Variants in MRAS observed in about 807,000 individuals in gnomAD.
The protein encoded by MRAS is muscle RAS oncogene homolog.
MRAS carries 4 observed loss-of-function variants against 20.9 expected under a neutral mutation model. That is an observed-to-expected ratio of 0.19 (90% confidence interval 0.09 to 0.44). The LOEUF (loss-of-function observed/expected upper bound fraction) is 0.44. MRAS is among the 20% of genes least tolerant of loss of function. MRAS has a pLI of 0.99. For missense variants in MRAS, 154 were observed against 277.5 expected, an observed-to-expected ratio of 0.56 and a Z score of 3.16; for synonymous variants, 98 against 102.9, an observed-to-expected ratio of 0.95 and a Z score of 0.29.
chr3:138,361,788 A>G (rs42761), intron 1 of MRAS, among the ~76,000 whole-genome samples: 125,356 of 152,210 alleles, frequency 0.82, 52,073 homozygotes, highest in East Asian at 0.97. Context: ...GACCACCAGC[A>G]TGACGTTCCC....
chr3:138,372,949 G>A lies in MRAS; in HGVS notation c.66G>A (p.Gly22=). The A allele has an allele frequency of 1.3e-6, 2 of 1,564,048 alleles. No individual in the cohort carries two copies. The highest frequency in any genetic ancestry group is 1.2e-5 in the South Asian group (1 of 83,754). Residue 22 remains glycine, a synonymous_variant, in exon 2 of 6, where the codon GGG becomes GGA. Coordinates refer to ENST00000423968, the MANE Select transcript of MRAS (RefSeq NM_001085049.3). ...PTYKLVVVGD[G]GVGKSALTIQ... ...ACAAGCTGGTGGTGGTGGGGGATGG[G>A]GGTGTGGGCAAAAGTGCCCTCACCA...
intron 1 of MRAS, among the ~76,000 whole-genome samples, chr3:138,355,751 T>G (rs920516628): frequency 6.6e-6 from 1 of 152,136 alleles, no homozygotes; most frequent in African/African-American, 2.4e-5. Context: ...GCCAACATGG[T>G]GAAACTCCGT....
At chr3:138,370,273 C>T (rs1220862435) in intron 1 of MRAS, among the ~76,000 whole-genome samples, 1 of 152,190 alleles carries the variant, frequency 6.6e-6, no homozygotes, top group African/African-American at 2.4e-5. Context: ...GAGCTGAGAC[C>T]ACGCTACTGC....
intron 1 of MRAS, chr3:138,350,561 AGG>A (rs1247335680): frequency 1.2e-4 from 19 of 152,224 alleles, no homozygotes; most frequent in African/African-American, 4.6e-4. Context: ...GCGGTAGTCA[AGG>A]CCCTTTGGTG....
At chr3:138,367,733 A>G (rs190920512) in intron 1 of MRAS, among the ~76,000 whole-genome samples, 1 of 152,332 alleles carries the variant, frequency 6.6e-6, no homozygotes, top group East Asian at 1.9e-4. Context: ...CGTGAGAGGC[A>G]AAGGAATGAG....
intron 2 of MRAS, among the ~76,000 whole-genome samples, chr3:138,377,695 C>T (rs908283701): frequency 6.6e-6 from 1 of 152,302 alleles, no homozygotes; most frequent in East Asian, 1.9e-4. Context: ...CCTGGAGGTG[C>T]CCTCAGTTGC....
intron 5 of MRAS, among the ~76,000 whole-genome samples, chr3:138,401,620 A>G (rs1394742858): frequency 2.0e-5 from 3 of 152,168 alleles, no homozygotes; most frequent in Non-Finnish European, 2.9e-5. Context: ...GTGAAATGCC[A>G]TCTTTACAAA....
chr3:138,384,989 G>A (rs2054979972), intron 2 of MRAS, among the ~76,000 whole-genome samples: 1 of 152,050 alleles, frequency 6.6e-6, no homozygotes, highest in Non-Finnish European at 1.5e-5. Flanking sequence ...GATCAGTTTT[G>A]ATGGAGTGGT....
chr3:138,380,603 G>C (rs1030800093), intron 2 of MRAS, among the ~76,000 whole-genome samples: 1 of 151,534 alleles, frequency 6.6e-6, no homozygotes, highest in Non-Finnish European at 1.5e-5. Context: ...GAGCCACCGC[G>C]CCCGGCTTCT....
At chr3:138,353,491 G>A (rs1407535170) in intron 1 of MRAS, among the ~76,000 whole-genome samples, 2 of 152,096 alleles carry the variant, frequency 1.3e-5, no homozygotes, top group African/African-American at 2.4e-5. Flanking sequence ...CTGCATTTGC[G>A]GATTCTCTCA....
rs567725380 is a variant in MRAS at position 138,389,992 on chromosome 3, A to G, written c.194-7332A>G. On this transcript the variant is annotated intron_variant, in intron 2 of 5. Coordinates refer to ENST00000423968, the MANE Select transcript of MRAS (RefSeq NM_001085049.3). ...CACGCCTGTAATCCCAGGCGTGGGCAGTTTTCCTAGTATTTCTCAGGAGGG... is the reference window on the plus strand; with the variant it reads ...CACGCCTGTAATCCCAGGCGTGGGCGGTTTTCCTAGTATTTCTCAGGAGGG... Among the ~76,000 whole-genome samples the G allele has an allele frequency of 9.7e-4, 145 of 149,758 alleles. 1 individual carries two copies. The Middle Eastern group carries it at 0.014, about 14-fold the overall frequency.
intron 1 of MRAS, among the ~76,000 whole-genome samples, chr3:138,356,584 C>T (rs1041185551): frequency 1.3e-5 from 2 of 152,222 alleles, no homozygotes; most frequent in Non-Finnish European, 2.9e-5. Context: ...ACTGCTCTCA[C>T]CAGTCTATCA....
At position 138,383,667 on chromosome 3, in the gene MRAS, C is replaced by T. The variant is rs187942886; in HGVS notation, c.193+10591C>T. 1.5e-3 allele frequency among the ~76,000 whole-genome samples: 236 copies of T among 152,264 alleles called. 1 individual carries two copies. Among genetic ancestry groups the T allele is most frequent in the Non-Finnish European group, 2.5e-3 (167 of 68,018 alleles). On this transcript the variant is annotated intron_variant, in intron 2 of 5. Coordinates refer to ENST00000423968, the MANE Select transcript of MRAS (RefSeq NM_001085049.3). ...GAGTTGTGTGAATTGAACCCTGAGT[C>T]CTATGTACCTGGATATGTTCACTAA... is the stretch of plus-strand genomic sequence containing the variant.
intron 1 of MRAS, among the ~76,000 whole-genome samples, chr3:138,370,504 G>A (rs1343941077): frequency 4.6e-5 from 7 of 151,816 alleles, no homozygotes; most frequent in Admixed American, 1.3e-4. Flanking sequence ...ACTCCCCTCC[G>A]CCCTCTCTCC....
chr3:138,387,289 T>C (rs1045781969), intron 2 of MRAS, among the ~76,000 whole-genome samples: 3 of 152,048 alleles, frequency 2.0e-5, no homozygotes, highest in African/African-American at 7.2e-5. Context: ...AGGTGCGGAG[T>C]AGGTGGAGAG....
Position 138,373,043 on chromosome 3 carries a change from A to G in MRAS, c.160A>G (p.Thr54Ala). The change falls in exon 2 of 6, where the codon ACG becomes GCG. Residue 54 changes from threonine (T) to alanine (A), a missense_variant. Physicochemically the swap from Thr to Ala is moderately conservative, Grantham distance 58. Transcript: ENST00000423968. ...PTIEDSYLKH[T>A]EIDNQWAILD... Reference sequence around the variant, plus strand: ...CATTGAAGACTCCTACCTGAAACATACGGAGATTGACAATCAATGGGCCAT... The same window carrying G: ...CATTGAAGACTCCTACCTGAAACATGCGGAGATTGACAATCAATGGGCCAT... The G allele has an allele frequency of 6.6e-7, 1 of 1,510,470 alleles. No individual in the cohort carries two copies. Among genetic ancestry groups the G allele is most frequent in the South Asian group, 1.3e-5 (1 of 75,342 alleles). The allele number at this position is 1,510,470 out of a possible 1,614,324, so 93.6% of individuals were successfully genotyped here. A position where few individuals can be genotyped will look rare whatever the true frequency, so the allele number is the denominator to read the frequency against.
At chr3:138,349,407 G>C (rs934087246) in intron 1 of MRAS, 2 of 152,426 alleles carry the variant, frequency 1.3e-5, no homozygotes, top group Admixed American at 1.3e-4. Flanking sequence ...GTAAGCCCAG[G>C]GGTTGTGGGA....
chr3:138,373,157 C>T (rs1576359470), intron 2 of MRAS, 81 bp downstream of exon 2: 1 of 1,225,694 alleles, frequency 8.2e-7, no homozygotes, highest in East Asian at 2.8e-5. Context: ...TTCAGTGGGG[C>T]AAGATGGTTT....
chr3:138,379,485 G>T (rs553486447), intron 2 of MRAS, among the ~76,000 whole-genome samples: 1 of 147,034 alleles, frequency 6.8e-6, no homozygotes, highest in South Asian at 2.2e-4. Context: ...AGCCTCCCAA[G>T]TAGCTGAAAT....
Sources: allele counts gnomAD v4.1 joint callset (sites outside exome capture counted in the v4.1 genomes callset), GRCh38; gene constraint gnomAD v4.1.1; transcripts MANE v1.5; gene names NCBI Gene and HGNC (gene_info 2026-07-23, HGNC 2026-07-21).